RIPK2: variants seen among roughly 807,000 people sequenced by gnomAD.
RIPK2 encodes the protein receptor-interacting serine/threonine-protein kinase 2.
A neutral mutation model predicts 60.9 loss-of-function variants in RIPK2; 38 were observed. The ratio of observed to expected loss-of-function variants is 0.62; its 90% CI spans 0.48 to 0.82. RIPK2 has a LOEUF of 0.82. RIPK2 is among the 40% of genes least tolerant of loss of function. The pLI is 0.00. For synonymous variants in RIPK2, 225 were observed against 223.4 expected, an observed-to-expected ratio of 1.01 and a Z score of -0.06; for missense variants, 518 against 647.0, an observed-to-expected ratio of 0.80 and a Z score of 2.16.
chr8:89,763,050 T>C (rs185738802), intron 2 of RIPK2, 68 bp downstream of exon 2: 2 of 1,052,836 alleles, frequency 1.9e-6, no homozygotes, highest in Non-Finnish European at 1.3e-6. Flanking sequence ...TTTACTTTGA[T>C]TTTATATTTG....
At chr8:89,776,967 C>T (rs1442707464) in intron 6 of RIPK2, among the ~76,000 whole-genome samples, 1 of 152,164 alleles carries the variant, frequency 6.6e-6, no homozygotes, top group Non-Finnish European at 1.5e-5. Context: ...TTCCGATTGC[C>T]CAGCTTCCTG....
At chr8:89,763,853 T>C (rs938401998) in intron 2 of RIPK2, among the ~76,000 whole-genome samples, 1 of 152,172 alleles carries the variant, frequency 6.6e-6, no homozygotes, top group Non-Finnish European at 1.5e-5. Flanking sequence ...TCTGTAAGAT[T>C]TGTATAACTA....
At chr8:89,788,857 A>C (rs1219934085) in intron 9 of RIPK2, among the ~76,000 whole-genome samples, 1 of 152,040 alleles carries the variant, frequency 6.6e-6, no homozygotes, top group Non-Finnish European at 1.5e-5. Context: ...GAAAGAAGGA[A>C]GGAAGGAAAT....
intron 6 of RIPK2, among the ~76,000 whole-genome samples, chr8:89,779,316 T>TTG (rs1809456605): frequency 7.9e-6 from 1 of 126,324 alleles, no homozygotes; most frequent in African/African-American, 3.1e-5. Flanking sequence ...TTGGGTTTTT[T>TTG]TTTTTTTTTT....
chr8:89,785,710 A>G (rs1809576322), intron 8 of RIPK2, among the ~76,000 whole-genome samples: 4 of 152,208 alleles, frequency 2.6e-5, no homozygotes, highest in Non-Finnish European at 4.4e-5. Context: ...AGCATAGTAT[A>G]TCACATTTTT....
intron 1 of RIPK2, among the ~76,000 whole-genome samples, chr8:89,761,954 T>C (rs1809153852): frequency 1.3e-5 from 2 of 151,966 alleles, no homozygotes; most frequent in African/African-American, 4.8e-5. Flanking sequence ...ATTTGATACC[T>C]ACCTATTGGA....
At chr8:89,788,715 T>C (rs1809625753) in intron 9 of RIPK2, among the ~76,000 whole-genome samples, 1 of 151,890 alleles carries the variant, frequency 6.6e-6, no homozygotes, top group South Asian at 2.1e-4. Context: ...AGGTGGAGGT[T>C]GCAGTGAGCT....
chr8:89,774,752 G>A lies in RIPK2; in HGVS notation c.853+1924G>A, dbSNP rs192074554. On this transcript the variant is annotated intron_variant, in intron 6 of 10. Transcript: ENST00000220751. ...TGATAGTCTGGACTGGTTCATCTAA[G>A]AAGGGAATATACATAGCAAAGAGAG... Among the ~76,000 whole-genome samples, 794 of 152,238 alleles carry A rather than the reference G, an allele frequency of 5.2e-3. 3 individuals carry two copies. Among genetic ancestry groups the A allele is most frequent in the Non-Finnish European group, 8.0e-3 (543 of 68,022 alleles).
At position 89,769,827 on chromosome 8, in the gene RIPK2, G is replaced by A; in HGVS notation, c.539G>A (p.Ser180Asn). 2 of 1,609,596 alleles carry A rather than the reference G, an allele frequency of 1.2e-6. No homozygotes were observed. The highest frequency in any genetic ancestry group is 2.7e-5 in the African/African-American group (2 of 74,664). ...ATGATGTCCCTCTCACAGTCACGAA[G>A]TAGCAAATCTGCACCAGAAGGAGGG... ...WRMMSLSQSRSSKSAPEGGTI... is the reference protein window; with the variant it reads ...WRMMSLSQSRNSKSAPEGGTI... The change falls in exon 4 of 11, where the codon AGT (serine) becomes AAT (asparagine). Residue 180 changes from serine (S) to asparagine (N), a missense_variant. Transcript: ENST00000220751.
At position 89,784,156 on chromosome 8, in the gene RIPK2, A is replaced by T; in HGVS notation, c.1029+17A>T. On this transcript the variant is annotated intron_variant, in intron 8 of 10. Transcript: ENST00000220751. ...CCACAAGAGGTAAAAAAAAAAAAAA[A>T]AAAAAAAAGGTTATATTAAACTCAA... The T allele has an allele frequency of 6.9e-7, 1 of 1,441,958 alleles. No homozygotes were observed. Among genetic ancestry groups the T allele is most frequent in the Non-Finnish European group, 9.4e-7 (1 of 1,058,370 alleles). 89.3% of individuals were successfully genotyped at this position (1,441,958 alleles called of 1,614,324 possible). A position where few individuals can be genotyped will look rare whatever the true frequency, so the allele number is the denominator to read the frequency against.
chr8:89,780,826 A>G (rs555101690), intron 7 of RIPK2: 18 of 151,948 alleles, frequency 1.2e-4, no homozygotes, highest in African/African-American at 3.6e-4. Flanking sequence ...CAAACACTTC[A>G]TGTTTTATAG....
At chr8:89,780,622 G>A (rs1809482787) in intron 7 of RIPK2, 1 of 152,018 alleles carries the variant, frequency 6.6e-6, no homozygotes, top group Non-Finnish European at 1.5e-5. Flanking sequence ...GCCATTAGAG[G>A]TGTTTGTTTT....
At chr8:89,769,975 CA>C in intron 4 of RIPK2, 46 bp downstream of exon 4, 1 of 1,397,100 alleles carries the variant, frequency 7.2e-7, no homozygotes, top group Non-Finnish European at 9.6e-7. Flanking sequence ...GTCTCAGACA[CA>C]AAATTAGTCA....
chr8:89,761,823 G>T (rs936829289), intron 1 of RIPK2, among the ~76,000 whole-genome samples: 5 of 152,052 alleles, frequency 3.3e-5, no homozygotes, highest in Non-Finnish European at 7.4e-5. Flanking sequence ...CAGGCTTTAA[G>T]ACTGAGATAT....
intron 7 of RIPK2, among the ~76,000 whole-genome samples, chr8:89,782,245 T>G (rs1363719801): frequency 6.6e-6 from 1 of 152,196 alleles, no homozygotes; most frequent in African/African-American, 2.4e-5. Flanking sequence ...AAAGGGATGA[T>G]TCACATCCTG....
rs199801531 is a variant in RIPK2 at position 89,762,899 on chromosome 8, T to C, written c.244T>C (p.Leu82=). The C allele has an allele frequency of 6.5e-7, 1 of 1,547,070 alleles. No homozygotes were observed. The highest frequency in any genetic ancestry group is 2.3e-5 in the East Asian group (1 of 43,348). ...TAGATTTAGTTACATTCTTCCAATTTTGGGAATTTGCAATGAGCCTGAATT... is the reference window on the plus strand; with the variant it reads ...TAGATTTAGTTACATTCTTCCAATTCTGGGAATTTGCAATGAGCCTGAATT... ...KARFSYILPI[L]GICNEPEFLG... is the part of the protein sequence containing the mutation. Residue 82 remains leucine (L), a synonymous_variant, in exon 2 of 11, where the codon TTG becomes CTG. Transcript: ENST00000220751.
In RIPK2 at chr8:89,790,765, C is replaced by T. The variant is rs117941615; in HGVS notation, c.*349C>T. 0.014 allele frequency: 2,756 copies of T among 195,986 alleles called. 33 individuals are homozygous for T. The highest frequency in any genetic ancestry group is 0.022 in the Non-Finnish European group (2,108 of 95,132). 12.1% of individuals were successfully genotyped at this position (195,986 alleles called of 1,614,324 possible). On this transcript the variant is annotated 3_prime_UTR_variant, in exon 11 of 11. Transcript: ENST00000220751. ...GATTATTTGTTACTTGTCTAAGATG[C>T]AATTTGATTTTATGAAGTATATACC... is the stretch of plus-strand genomic sequence containing the variant.
chr8:89,781,354 A>ATTTTTTTTTTTTCTTTTTTT (rs1554598656), intron 7 of RIPK2, among the ~76,000 whole-genome samples: 5 of 144,042 alleles, frequency 3.5e-5, no homozygotes, highest in East Asian at 2.1e-4. Context: ...AATAGATTGA[A>ATTTTTTTTTTTTCTTTTTTT]TTTTTTTTTT....
chr8:89,773,033 G>A (rs1040730843), intron 6 of RIPK2, among the ~76,000 whole-genome samples: 4 of 152,126 alleles, frequency 2.6e-5, no homozygotes, highest in Admixed American at 1.3e-4. Flanking sequence ...GAAATCGTGT[G>A]ATAGGAGTAA....
Sources: gnomAD v4.1 joint callset for allele counts (sites outside exome capture counted in the v4.1 genomes callset) on GRCh38, gnomAD v4.1.1 for gene constraint, MANE v1.5 for transcripts, NCBI Gene and HGNC (gene_info 2026-07-23, HGNC 2026-07-21) for gene names.